RNF17: variants seen among roughly 807,000 people sequenced by gnomAD.
RNF17 encodes spermatogenesis associated 23.
RNF17 carries 31 observed loss-of-function variants against 200.5 expected under a neutral mutation model. The observed-to-expected ratio is 0.15, with a 90% CI of 0.12 to 0.21. The LOEUF (loss-of-function observed/expected upper bound fraction) is 0.21, where lower values mean the gene tolerates loss of function less well. RNF17 is among the 10% of genes least tolerant of loss of function. RNF17 has a pLI of 1.00. For missense variants in RNF17, 1,628 were observed against 1,905.1 expected (o/e 0.85, Z 2.71); for synonymous variants, 606 against 637.8 (o/e 0.95, Z 0.75).
chr13:24,853,129 A>G (rs147038134), intron 24 of RNF17, among the ~76,000 whole-genome samples: 19,638 of 152,040 alleles, frequency 0.13, 1,378 homozygotes, highest in East Asian at 0.17. Flanking sequence ...GGCCAGGCTG[A>G]TCTCGAACTC....
At chr13:24,853,599 T>G (rs1409912650) in intron 24 of RNF17, among the ~76,000 whole-genome samples, 1 of 152,190 alleles carries the variant, frequency 6.6e-6, no homozygotes, top group Non-Finnish European at 1.5e-5. Context: ...GCTTGAGATA[T>G]ACATATGAAA....
chr13:24,766,335 A>G (rs1879688213), intron 1 of RNF17, among the ~76,000 whole-genome samples: 1 of 152,248 alleles, frequency 6.6e-6, no homozygotes, highest in African/African-American at 2.4e-5. Flanking sequence ...GTTTTCTTGC[A>G]AAACTTTAAA....
At position 24,764,304 on chromosome 13, in the gene RNF17, G is replaced by C. The variant is rs199928537; in HGVS notation, c.101G>C (p.Arg34Thr). ...PWGAAEIQCT[R>T]CGRRVSRSSG... is the part of the protein sequence containing the mutation. ...GGTGCCGCTGAAATCCAGTGCACCA[G>C]GTGTGGAAGGAGGGTATCCAGATCA... The change falls in exon 1 of 36, where the codon AGG (arginine) becomes ACG (threonine). Residue 34 changes from arginine (R) to threonine (T), a missense_variant. Around this residue, in one of 5 missense-constraint regions of RNF17, gnomAD observed 502 missense variants for 501.7 expected, o/e 1.00. Transcript: ENST00000255324. The C allele has an allele frequency of 2.9e-5, 47 of 1,610,832 alleles. No individual in the cohort carries two copies. In the African/African-American group the frequency reaches 5.3e-4, roughly 18 times the overall value.
At chr13:24,787,957 C>A in intron 6 of RNF17, 31 bp from the exon 7 acceptor site, 2 of 1,492,996 alleles carry the variant, frequency 1.3e-6, no homozygotes, top group South Asian at 2.8e-5. Context: ...TTATGAAATA[C>A]TGCAAAATAA....
intron 15 of RNF17, among the ~76,000 whole-genome samples, chr13:24,823,286 C>T (rs1888275691): frequency 6.6e-6 from 1 of 152,258 alleles, no homozygotes; most frequent in East Asian, 1.9e-4. Context: ...GTTGGCCAGG[C>T]TGGTCTTGAA....
At chr13:24,844,602 G>T in intron 20 of RNF17, 50 bp from the exon 21 acceptor site, 1 of 1,409,868 alleles carries the variant, frequency 7.1e-7, no homozygotes, top group African/African-American at 1.4e-5. Context: ...TGTAGCCAGA[G>T]AATTATATAA....
intron 23 of RNF17, among the ~76,000 whole-genome samples, 155 bp downstream of exon 23, chr13:24,850,598 T>C (rs897227136): frequency 1.3e-5 from 2 of 152,254 alleles, no homozygotes; most frequent in East Asian, 1.9e-4. Flanking sequence ...CATATATCTT[T>C]TCAGACCACT....
the RNF17 span, among the ~76,000 whole-genome samples, chr13:24,756,399 A>G: frequency 3.3e-5 from 5 of 152,326 alleles, no homozygotes; most frequent in African/African-American, 9.6e-5. Flanking sequence ...ATGAAAAAAT[A>G]TAGTTTCTTG....
rs563616703 is a variant in RNF17, at chr13:24,764,365, G to A, written c.130+32G>A. 1.2e-4 allele frequency: 185 copies of A among 1,551,554 alleles called. 1 individual carries two copies. Among genetic ancestry groups the A allele is most frequent in the Non-Finnish European group, 1.4e-4 (162 of 1,144,062 alleles). On this transcript the variant is annotated intron_variant, in intron 1 of 35. Coordinates refer to ENST00000255324, the MANE Select transcript of RNF17 (RefSeq NM_031277.3). ...AGCCCAAGGGCCCACCTAGCGGGGA[G>A]GCAGCCTGGAGGGAGCGCTGGGGGC...
intron 23 of RNF17, among the ~76,000 whole-genome samples, chr13:24,851,237 G>T (rs545552808): frequency 6.6e-6 from 1 of 152,276 alleles, no homozygotes; most frequent in East Asian, 1.9e-4. Flanking sequence ...CAAGTGATCC[G>T]CCCACTTCTG....
At chr13:24,863,343 A>G (rs1278981506) in intron 28 of RNF17, among the ~76,000 whole-genome samples, 1 of 152,216 alleles carries the variant, frequency 6.6e-6, no homozygotes, top group Non-Finnish European at 1.5e-5. Context: ...GGGAAATGAA[A>G]TGCACAAAGG....
In RNF17 at chr13:24,850,521, G is replaced by A. The variant is rs142728897; in HGVS notation, c.3204+78G>A. ...TTCCATTTATTTTCTTTCTTGTAGA[G>A]AAAATAGCAGCCAACTATTTGGATT... On this transcript the variant is annotated intron_variant, in intron 23 of 35. Coordinates refer to ENST00000255324, the MANE Select transcript of RNF17 (RefSeq NM_031277.3). 6.0e-4 allele frequency: 558 copies of A among 937,540 alleles called. 2 individuals carry two copies. In the African/African-American group the frequency reaches 8.1e-3, roughly 14 times the overall value. 58.1% of individuals were successfully genotyped at this position (937,540 alleles called of 1,614,324 possible).
At chr13:24,771,193 C>T (rs892549639) in intron 2 of RNF17, among the ~76,000 whole-genome samples, 1 of 152,098 alleles carries the variant, frequency 6.6e-6, no homozygotes, top group Non-Finnish European at 1.5e-5. Flanking sequence ...CTCTGTTCCC[C>T]CAGACTGGAG....
At chr13:24,765,466 A>T (rs1879536305) in intron 1 of RNF17, among the ~76,000 whole-genome samples, 1 of 152,214 alleles carries the variant, frequency 6.6e-6, no homozygotes, top group Admixed American at 6.5e-5. Flanking sequence ...TCATTCGATC[A>T]GTTTTCTCAG....
In RNF17 at chr13:24,812,674, G is replaced by GCAC. The variant is rs1886840228; in HGVS notation, c.2091+8246_2091+8247insACC. Among the ~76,000 whole-genome samples the GCAC allele has an allele frequency of 8.3e-5, 2 of 24,088 alleles. 1 individual carries two copies. The highest frequency in any genetic ancestry group is 3.5e-3 in the East Asian group (2 of 570). The allele number at this position is 24,088 out of a possible 152,430, so 15.8% of individuals were successfully genotyped here. ...AGCCATCTTGGCTCCTCCCCTCCCC[G>GCAC]CCCCACCCCCTTTTTTTTTTTTTTT... On this transcript the variant is annotated intron_variant, in intron 15 of 35. Transcript: ENST00000255324.
chr13:24,885,081 G>C, the RNF17 span, among the ~76,000 whole-genome samples: 1 of 152,126 alleles, frequency 6.6e-6, no homozygotes. Context: ...GAAGTGCCAA[G>C]GATTACAAAG....
At chr13:24,786,260 G>A (rs1361534038) in intron 6 of RNF17, among the ~76,000 whole-genome samples, 2 of 152,058 alleles carry the variant, frequency 1.3e-5, no homozygotes, top group African/African-American at 4.8e-5. Context: ...GTTTTGAGTA[G>A]TAGACAGCTT....
chr13:24,819,202 C>CCT (rs1406446010), intron 15 of RNF17, among the ~76,000 whole-genome samples: 1 of 152,138 alleles, frequency 6.6e-6, no homozygotes, highest in Non-Finnish European at 1.5e-5. Flanking sequence ...CTGCTTCCAA[C>CCT]CTCTGGCCAG....
intron 29 of RNF17, among the ~76,000 whole-genome samples, chr13:24,865,257 C>T (rs1160695742): frequency 6.6e-6 from 1 of 152,180 alleles, no homozygotes; most frequent in African/African-American, 2.4e-5. Flanking sequence ...CCATGCTATT[C>T]AGTGTTGTTT....
Sources: gnomAD v4.1 joint callset for allele counts (sites outside exome capture counted in the v4.1 genomes callset) on GRCh38, gnomAD v4.1.1 for gene constraint, gnomAD v4.1.1 regional missense constraint, MANE v1.5 for transcripts, NCBI Gene and HGNC (gene_info 2026-07-23, HGNC 2026-07-21) for gene names.